The following GPC1 variants were observed in gnomAD, a reference collection of about 807,000 sequenced individuals.
GPC1 encodes the protein glypican-1.
In GPC1, 26 loss-of-function variants were observed where a neutral mutation model predicts 51.5. The observed-to-expected ratio is 0.50, with a 90% CI of 0.37 to 0.70. The LOEUF is 0.70. GPC1 is among the 30% of genes least tolerant of loss of function. The pLI is 0.00. For synonymous variants in GPC1, 380 were observed against 348.3 expected (o/e 1.09, Z -1.01); for missense variants, 775 against 800.5 (o/e 0.97, Z 0.38).
rs60345704 is a variant in GPC1, at chr2:240,448,983, G to A, written c.167-10047G>A. Among the ~76,000 whole-genome samples, 1,880 of 152,214 alleles carry A rather than the reference G, an allele frequency of 0.012. 23 individuals are homozygous for A. The highest frequency in any genetic ancestry group is 0.031 in the African/African-American group (1,301 of 41,538). ...TGAGGACAGGGGGACACTCAGGCCA[G>A]TGGAAGGAGATCTGCCTTAGGGAGA... On this transcript the variant is annotated intron_variant, in intron 1 of 8. Coordinates refer to ENST00000264039, the MANE Select transcript of GPC1 (RefSeq NM_002081.3). The surrounding 1 kb of genome is among the most constrained non-coding windows in gnomAD (Gnocchi z 4.5).
At chr2:240,462,098 A>C in intron 2 of GPC1, 93 bp from the exon 3 acceptor site, 10 of 1,244,416 alleles carry the variant, frequency 8.0e-6, no homozygotes, top group East Asian at 2.6e-5. Flanking sequence ...GTGTATCCTC[A>C]GAGCTGAGTC....
chr2:240,465,537 G>A lies in GPC1; in HGVS notation c.1333G>A (p.Asp445Asn), dbSNP rs762648239. 2 of 1,613,100 alleles carry A rather than the reference G, an allele frequency of 1.2e-6. No homozygotes were observed. The highest frequency in any genetic ancestry group is 2.7e-5 in the African/African-American group (2 of 74,936). Residue 445 changes from aspartate (D) to asparagine (N), a missense_variant, in exon 8 of 9, where the codon GAC becomes AAC. Coordinates refer to ENST00000264039, the MANE Select transcript of GPC1 (RefSeq NM_002081.3). ...GATCAACAACCCCGAGGTGGAGGTG[G>A]ACATCACCAAGCCGGACATGACCAT... Reference protein sequence around the residue: ...NQINNPEVEVDITKPDMTIRQ... With the variant: ...NQINNPEVEVNITKPDMTIRQ...
At chr2:240,438,923 G>A (rs750399617) in intron 1 of GPC1, among the ~76,000 whole-genome samples, 5 of 152,154 alleles carry the variant, frequency 3.3e-5, no homozygotes, top group Non-Finnish European at 5.9e-5. Flanking sequence ...GCCAGGGCAC[G>A]GCACAGAAGG....
At chr2:240,455,813 G>C (rs981419680) in intron 1 of GPC1, among the ~76,000 whole-genome samples, 2 of 152,240 alleles carry the variant, frequency 1.3e-5, no homozygotes. Context: ...CTCATGTCCA[G>C]GACCACAACC....
At position 240,462,972 on chromosome 2, in the gene GPC1, G is replaced by T. The variant is rs2074229314; in HGVS notation, c.718-375G>T. 2.0e-5 allele frequency among the ~76,000 whole-genome samples: 3 copies of T among 152,212 alleles called. No homozygotes were observed. In the South Asian group the frequency reaches 6.2e-4, roughly 31 times the overall value. On this transcript the variant is annotated intron_variant, in intron 3 of 8. Transcript: ENST00000264039. ...CCAGAGCCTCGCAGGCCAGGGGGAT[G>T]CCTTGGTCCCTTGCGGGGCACGTGT... is the stretch of plus-strand genomic sequence containing the variant.
chr2:240,455,000 C>T (rs918815424), intron 1 of GPC1: 14 of 214,968 alleles, frequency 6.5e-5, no homozygotes, highest in East Asian at 3.8e-4. Context: ...CAGCAGGGGA[C>T]GAGAATGCAT....
chr2:240,464,293 C>T (rs780564721), intron 4 of GPC1: 1 of 368,312 alleles, frequency 2.7e-6, no homozygotes, highest in East Asian at 6.3e-5. Flanking sequence ...GGTGAGCCAG[C>T]GTATGTACAT....
intron 1 of GPC1, among the ~76,000 whole-genome samples, chr2:240,444,075 A>C (rs934280031): frequency 1.3e-5 from 2 of 152,194 alleles, no homozygotes; most frequent in Non-Finnish European, 2.9e-5. Context: ...GGGAGCGCAC[A>C]GGAGGGGAGG....
intron 1 of GPC1, among the ~76,000 whole-genome samples, chr2:240,453,303 G>GT (rs1465443792): frequency 8.6e-4 from 5 of 5,806 alleles, no homozygotes; most frequent in Admixed American, 1.3e-3. Flanking sequence ...CGGCGTCCCC[G>GT]CCCCGCTCCC....
intron 2 of GPC1, among the ~76,000 whole-genome samples, chr2:240,461,779 A>G (rs1373401322): frequency 6.6e-6 from 1 of 152,014 alleles, no homozygotes; most frequent in Non-Finnish European, 1.5e-5. Flanking sequence ...ACCAGTGGAG[A>G]GAAGGAGCGG....
chr2:240,437,061 G>A (rs1342223281), intron 1 of GPC1, among the ~76,000 whole-genome samples: 1 of 152,244 alleles, frequency 6.6e-6, no homozygotes, highest in African/African-American at 2.4e-5. Flanking sequence ...GCGTGCCAGG[G>A]ACCCAGTGGG....
At chr2:240,457,371 C>G (rs919662471) in intron 1 of GPC1, 1 of 456,072 alleles carries the variant, frequency 2.2e-6, no homozygotes, top group South Asian at 1.6e-5. Context: ...TTCGGGTTCT[C>G]TGTTCCCTTC....
chr2:240,454,545 C>G (rs1013821367), intron 1 of GPC1, among the ~76,000 whole-genome samples: 1 of 152,200 alleles, frequency 6.6e-6, no homozygotes, highest in African/African-American at 2.4e-5. Context: ...AGGGCAGGAG[C>G]GGGGAGGCCT....
At position 240,436,887 on chromosome 2, in the gene GPC1, C is replaced by T. The variant is rs140714377; in HGVS notation, c.166+803C>T. On this transcript the variant is annotated intron_variant, in intron 1 of 8. Transcript: ENST00000264039. Reference sequence around the variant, plus strand: ...AGCGGCCCTCTTGGCGCCCCCTAAGCCCTGCAGCCGCCTGCGGCTCTGCCT... The same window carrying T: ...AGCGGCCCTCTTGGCGCCCCCTAAGTCCTGCAGCCGCCTGCGGCTCTGCCT... Among the ~76,000 whole-genome samples, 3 of 152,374 alleles carry T rather than the reference C, an allele frequency of 2.0e-5. No homozygotes were observed. In the East Asian group the frequency reaches 5.8e-4, roughly 29 times the overall value.
chr2:240,459,316 T>A, intron 2 of GPC1, 128 bp downstream of exon 2: 1 of 917,798 alleles, frequency 1.1e-6, no homozygotes, highest in Non-Finnish European at 1.6e-6. Flanking sequence ...GGGGAGTTAG[T>A]GCTTTGGGGC....
rs1172467094 is a variant in GPC1 at position 240,435,961 on chromosome 2, G to T, written c.43G>T (p.Ala15Ser). ...AGGCTGGTGGCTGCTATGTGCGGCC[G>T]CAGCGCTGGTCGCCTGCGCCCGCGG... is the stretch of plus-strand genomic sequence containing the variant. ...ARGWWLLCAA[A>S]ALVACARGDP... Residue 15 changes from alanine (A) to serine (S), a missense_variant, in exon 1 of 9, where the codon GCA (alanine) becomes TCA (serine). Physicochemically the swap from Ala to Ser is moderately conservative, Grantham distance 99. Coordinates refer to ENST00000264039, the MANE Select transcript of GPC1 (RefSeq NM_002081.3). 1.5e-6 allele frequency: 2 copies of T among 1,323,132 alleles called. No homozygotes were observed. Among genetic ancestry groups the T allele is most frequent in the Non-Finnish European group, 1.9e-6 (2 of 1,036,268 alleles). The allele number at this position is 1,323,132 out of a possible 1,614,324, so 82.0% of individuals were successfully genotyped here. A position where few individuals can be genotyped will look rare whatever the true frequency, so the allele number is the denominator to read the frequency against.
At chr2:240,465,757 A>G in intron 8 of GPC1, 109 bp downstream of exon 8, 1 of 888,360 alleles carries the variant, frequency 1.1e-6, no homozygotes, top group Non-Finnish European at 1.7e-6. Context: ...CTGCTCCGGC[A>G]TCACCACAGT....
intron 1 of GPC1, among the ~76,000 whole-genome samples, chr2:240,446,186 C>T (rs1474609908): frequency 6.6e-6 from 1 of 152,210 alleles, no homozygotes; most frequent in Admixed American, 6.5e-5. Flanking sequence ...GGGTCCGAAA[C>T]GGGGGAACGT....
intron 1 of GPC1, 32 bp from the exon 2 acceptor site, chr2:240,458,998 C>G (rs2074193857): frequency 1.2e-6 from 2 of 1,603,830 alleles, no homozygotes; most frequent in Admixed American, 1.7e-5. Context: ...GCTGTCCCAG[C>G]CCCTCTCCCT....
Sources: gnomAD v4.1 joint callset for allele counts (sites outside exome capture counted in the v4.1 genomes callset) on GRCh38, gnomAD v4.1.1 for gene constraint, Gnocchi (gnomAD v3.1) non-coding constraint, MANE v1.5 for transcripts, NCBI Gene and HGNC (gene_info 2026-07-23, HGNC 2026-07-21) for gene names.